TMEM178B: variants seen among roughly 807,000 people sequenced by gnomAD.
TMEM178B encodes the protein transmembrane protein 178B.
In TMEM178B, 5 loss-of-function variants were observed where a neutral mutation model predicts 31.0. The ratio of observed to expected loss-of-function variants is 0.16; its 90% CI spans 0.08 to 0.34. The LOEUF is 0.34. TMEM178B is among the 10% of genes least tolerant of loss of function. The pLI, the probability that TMEM178B is intolerant of heterozygous loss-of-function variation, is 1.00. For synonymous variants in TMEM178B, 164 were observed against 164.0 expected (o/e 1.00, Z 0.00); for missense variants, 275 against 400.3 (o/e 0.69, Z 2.67).
intron 1 of TMEM178B, among the ~76,000 whole-genome samples, chr7:141,150,426 CTCTT>C (rs1284811355): frequency 6.6e-6 from 1 of 152,196 alleles, no homozygotes; most frequent in Non-Finnish European, 1.5e-5. Flanking sequence ...TATTTTGAAG[CTCTT>C]TCTATCAGTG....
intron 2 of TMEM178B, among the ~76,000 whole-genome samples, chr7:141,319,080 T>C (rs1477553077): frequency 6.6e-6 from 1 of 152,206 alleles, no homozygotes; most frequent in African/African-American, 2.4e-5. Flanking sequence ...GGCTTAGAAG[T>C]AGCATAAAAT....
At chr7:141,406,767 C>T (rs985255513) in intron 2 of TMEM178B, among the ~76,000 whole-genome samples, 2 of 152,164 alleles carry the variant, frequency 1.3e-5, no homozygotes, top group Non-Finnish European at 2.9e-5. Flanking sequence ...GACCTTCGAA[C>T]GTCATCTGTT....
chr7:141,300,096 A>G (rs1366936456), intron 2 of TMEM178B, among the ~76,000 whole-genome samples: 3 of 152,150 alleles, frequency 2.0e-5, no homozygotes, highest in African/African-American at 4.8e-5. Flanking sequence ...GCTTGTTTGT[A>G]TTTTAATTCA....
intron 2 of TMEM178B, among the ~76,000 whole-genome samples, chr7:141,383,267 G>A (rs1303252773): frequency 6.6e-6 from 1 of 150,620 alleles, no homozygotes; most frequent in East Asian, 1.9e-4. Flanking sequence ...TGTGCACAAC[G>A]TGCAGGTTTG....
intron 1 of TMEM178B, among the ~76,000 whole-genome samples, chr7:141,105,214 A>G (rs1385189907): frequency 6.6e-6 from 1 of 152,148 alleles, no homozygotes; most frequent in East Asian, 1.9e-4. Flanking sequence ...ATTTTATTTA[A>G]AAGAGGGAAC....
At chr7:141,109,424 A>C (rs1418372436) in intron 1 of TMEM178B, among the ~76,000 whole-genome samples, 1 of 152,112 alleles carries the variant, frequency 6.6e-6, no homozygotes, top group South Asian at 2.1e-4. Context: ...TGAAATTGTG[A>C]TTATGGAGGA....
chr7:141,177,318 A>T (rs1173336657), intron 1 of TMEM178B, among the ~76,000 whole-genome samples: 3 of 152,158 alleles, frequency 2.0e-5, no homozygotes, highest in Non-Finnish European at 4.4e-5. Context: ...ACTGTTTGTT[A>T]TGATTTCCGT....
At chr7:141,401,929 A>C (rs1252725970) in intron 2 of TMEM178B, among the ~76,000 whole-genome samples, 1 of 152,182 alleles carries the variant, frequency 6.6e-6, no homozygotes, top group African/African-American at 2.4e-5. Context: ...CTCCCACAGC[A>C]CTATAGTAAA....
intron 2 of TMEM178B, among the ~76,000 whole-genome samples, chr7:141,296,799 C>T (rs1473195537): frequency 6.6e-6 from 1 of 152,174 alleles, no homozygotes; most frequent in Non-Finnish European, 1.5e-5. Flanking sequence ...GCACCGTCTC[C>T]CATCTCCTCT....
At position 141,470,775 on chromosome 7, in the gene TMEM178B, A is replaced by C; in HGVS notation, c.874A>C (p.Thr292Pro). The part of the protein sequence containing the change: ...NYPKSRPENG[T>P]VC Reference sequence around the variant, plus strand: ...CCCTAAATCCAGACCCGAGAATGGGACAGTGTGCTAAAAAACAAACCCATA... The same window carrying C: ...CCCTAAATCCAGACCCGAGAATGGGCCAGTGTGCTAAAAAACAAACCCATA... The change falls in exon 4 of 4, where the codon ACA becomes CCA. Residue 292 changes from threonine to proline, a missense_variant. Transcript: ENST00000565468. 6.7e-7 allele frequency: 1 copy of C among 1,499,518 alleles called. No individual in the cohort carries two copies. Among genetic ancestry groups the C allele is most frequent in the Non-Finnish European group, 8.9e-7 (1 of 1,129,826 alleles). 92.9% of individuals were successfully genotyped at this position (1,499,518 alleles called of 1,614,324 possible). A position where few individuals can be genotyped will look rare whatever the true frequency, so the allele number is the denominator to read the frequency against.
At chr7:141,423,557 G>T (rs1236661716) in intron 2 of TMEM178B, among the ~76,000 whole-genome samples, 1 of 152,186 alleles carries the variant, frequency 6.6e-6, no homozygotes, top group Non-Finnish European at 1.5e-5. Context: ...GGAGGAGGGG[G>T]CTTGCCATCT....
intron 2 of TMEM178B, among the ~76,000 whole-genome samples, chr7:141,234,063 C>T (rs983644851): frequency 6.6e-6 from 1 of 152,166 alleles, no homozygotes; most frequent in East Asian, 1.9e-4. Context: ...GATGTATGGT[C>T]CAGATTGCAC....
intron 1 of TMEM178B, among the ~76,000 whole-genome samples, chr7:141,155,261 G>A (rs1258244934): frequency 2.0e-5 from 3 of 152,180 alleles, no homozygotes; most frequent in African/African-American, 4.8e-5. Context: ...CATGTGAGTC[G>A]GGTACTCATC....
chr7:141,333,074 A>T (rs1484151697), intron 2 of TMEM178B, among the ~76,000 whole-genome samples: 1 of 152,230 alleles, frequency 6.6e-6, no homozygotes, highest in African/African-American at 2.4e-5. Context: ...CCTAGAGGTC[A>T]GCAGCCCCTA....
intron 2 of TMEM178B, among the ~76,000 whole-genome samples, chr7:141,325,820 T>A (rs1478915096): frequency 5.1e-5 from 6 of 117,012 alleles, no homozygotes; most frequent in Non-Finnish European, 8.7e-5. Context: ...AAGACAGCCC[T>A]GGGAAAAAAA....
intron 1 of TMEM178B, among the ~76,000 whole-genome samples, chr7:141,130,794 A>G (rs1795582420): frequency 6.6e-6 from 1 of 152,214 alleles, no homozygotes; most frequent in African/African-American, 2.4e-5. Context: ...TAAATGCTCT[A>G]TCACCATAGC....
At chr7:141,443,795 C>T (rs1045010582) in intron 3 of TMEM178B, among the ~76,000 whole-genome samples, 1 of 152,168 alleles carries the variant, frequency 6.6e-6, no homozygotes, top group Non-Finnish European at 1.5e-5. Context: ...TGGAATTCTT[C>T]TGCGTGGGAG....
chr7:141,366,361 A>G (rs1262213976), intron 2 of TMEM178B, among the ~76,000 whole-genome samples: 1 of 152,180 alleles, frequency 6.6e-6, no homozygotes, highest in Admixed American at 6.5e-5. Context: ...AATAAACGCT[A>G]TGCAAGGGTC....
At chr7:141,470,243 T>C (rs114458975) in intron 3 of TMEM178B, among the ~76,000 whole-genome samples, 1,542 of 152,260 alleles carry the variant, frequency 0.01, 25 homozygotes, top group African/African-American at 0.036. Flanking sequence ...CCACACAAAA[T>C]GCTCATGAGA....
Sources: gnomAD v4.1 joint callset for allele counts (sites outside exome capture counted in the v4.1 genomes callset) on GRCh38, gnomAD v4.1.1 for gene constraint, MANE v1.5 for transcripts, NCBI Gene and HGNC (gene_info 2026-07-23, HGNC 2026-07-21) for gene names.